NDUFAF6: variants seen among roughly 807,000 people sequenced by gnomAD.
NDUFAF6 encodes the protein NADH dehydrogenase (ubiquinone) complex I, assembly factor 6.
NDUFAF6 carries 45 observed loss-of-function variants against 40.8 expected under a neutral mutation model. The ratio of observed to expected loss-of-function variants is 1.10; its 90% CI spans 0.87 to 1.42. NDUFAF6 has a LOEUF of 1.42. NDUFAF6 is among the 40% of genes most tolerant of loss of function. NDUFAF6 has a pLI of 0.00. For synonymous variants in NDUFAF6, 185 were observed against 155.9 expected (o/e 1.19, Z -1.39); for missense variants, 435 against 418.5 (o/e 1.04, Z -0.34).
At chr8:95,045,487 T>C in intron 4 of NDUFAF6, 58 bp from the exon 5 acceptor site, 1 of 1,303,658 alleles carries the variant, frequency 7.7e-7, no homozygotes, top group Non-Finnish European at 1.1e-6. Flanking sequence ...AAACAGCACC[T>C]TTTCTTTCTA....
At chr8:95,079,945 T>A (rs566077535), downstream of NDUFAF6, among the ~76,000 whole-genome samples, 99 of 141,852 alleles carry the variant, frequency 7.0e-4, 1 homozygote, top group Non-Finnish European at 1.3e-3. Context: ...TGGTAGTGTA[T>A]TTTTGTAGTG....
intron 2 of NDUFAF6, among the ~76,000 whole-genome samples, chr8:94,948,968 G>T (rs1563739000): frequency 6.6e-6 from 1 of 150,524 alleles, no homozygotes; most frequent in African/African-American, 2.4e-5. Flanking sequence ...CGACCCACTG[G>T]GTGGGCGGCC....
At chr8:95,038,084 C>T (rs1829713273) in intron 3 of NDUFAF6, among the ~76,000 whole-genome samples, 1 of 152,188 alleles carries the variant, frequency 6.6e-6, no homozygotes, top group Admixed American at 6.5e-5. Flanking sequence ...TGAGGTCTCA[C>T]TGTGTTGCCT....
intron 1 of NDUFAF6, among the ~76,000 whole-genome samples, chr8:94,944,322 G>T (rs762519875): frequency 9.9e-5 from 15 of 152,218 alleles, no homozygotes; most frequent in Non-Finnish European, 1.8e-4. Context: ...ACTGGCAGCT[G>T]TAAGGCCAAA....
At chr8:94,954,155 C>CT (rs397820792), upstream of NDUFAF6, among the ~76,000 whole-genome samples, 2 of 152,110 alleles carry the variant, frequency 1.3e-5, no homozygotes, top group Admixed American at 6.6e-5. Flanking sequence ...CTCCGCCCCC[C>CT]GGGTTCAAGA....
chr8:94,939,888 C>A, intron 1 of NDUFAF6: 5 of 1,613,586 alleles, frequency 3.1e-6, no homozygotes, highest in Non-Finnish European at 4.2e-6. Context: ...TGTAATTCAT[C>A]AGTCCCACGG....
intron 1 of NDUFAF6, among the ~76,000 whole-genome samples, chr8:94,921,229 C>A (rs569370845): frequency 7.2e-5 from 11 of 152,340 alleles, no homozygotes; most frequent in South Asian, 6.2e-4. Flanking sequence ...CAACTTCCCC[C>A]ACTTGTGGAG....
At chr8:95,006,196 A>G (rs972883763) in intron 2 of NDUFAF6, among the ~76,000 whole-genome samples, 2 of 151,906 alleles carry the variant, frequency 1.3e-5, no homozygotes, top group African/African-American at 4.8e-5. Context: ...TGTCTCTACT[A>G]AAAACATAAA....
At chr8:95,095,907 C>A (rs912705686), upstream of NDUFAF6, among the ~76,000 whole-genome samples, 5 of 152,112 alleles carry the variant, frequency 3.3e-5, no homozygotes, top group Non-Finnish European at 7.4e-5. Flanking sequence ...TCAAGCGATC[C>A]GCCTGTCTCG....
intron 1 of NDUFAF6, among the ~76,000 whole-genome samples, chr8:94,910,145 TG>T (rs1586619202): frequency 6.6e-6 from 1 of 152,062 alleles, no homozygotes; most frequent in Non-Finnish European, 1.5e-5. Flanking sequence ...AACTTTTTTT[TG>T]TTTGTTTTTT....
intron 8 of NDUFAF6, among the ~76,000 whole-genome samples, chr8:95,053,719 A>G (rs983006191): frequency 1.8e-4 from 27 of 151,070 alleles, no homozygotes; most frequent in African/African-American, 6.6e-4. Flanking sequence ...TCCGCCTCCC[A>G]GGTTCAAGTG....
At chr8:94,896,925 G>A (rs1259044425) in intron 1 of NDUFAF6, among the ~76,000 whole-genome samples, 3 of 152,180 alleles carry the variant, frequency 2.0e-5, no homozygotes, top group Non-Finnish European at 4.4e-5. Flanking sequence ...ATCAGGAGAA[G>A]CCCATGCCTT....
At chr8:95,036,657 G>T (rs1365368101) in intron 3 of NDUFAF6, among the ~76,000 whole-genome samples, 1 of 152,212 alleles carries the variant, frequency 6.6e-6, no homozygotes, top group Non-Finnish European at 1.5e-5. Flanking sequence ...TAAGACTTGC[G>T]TAAAAGGTTC....
chr8:94,954,183 C>T (rs951945295), upstream of NDUFAF6, among the ~76,000 whole-genome samples: 18 of 152,216 alleles, frequency 1.2e-4, no homozygotes, highest in Non-Finnish European at 2.4e-4. Flanking sequence ...CTGCCTCAGC[C>T]TCCCAAGTAG....
At chr8:95,036,262 A>G (rs1182092236) in intron 3 of NDUFAF6, 3 of 1,233,144 alleles carry the variant, frequency 2.4e-6, no homozygotes, top group Non-Finnish European at 3.1e-6. Flanking sequence ...AGGGAATTAG[A>G]TACCTTTCAT....
chr8:95,069,590 G>C (rs1412352877), intron 9 of NDUFAF6, among the ~76,000 whole-genome samples: 2 of 151,270 alleles, frequency 1.3e-5, no homozygotes, highest in East Asian at 3.9e-4. Flanking sequence ...GACCAGCCTG[G>C]TCAACATGGT....
intron 2 of NDUFAF6, among the ~76,000 whole-genome samples, chr8:95,008,935 G>T (rs550873091): frequency 3.2e-4 from 48 of 152,202 alleles, no homozygotes; most frequent in African/African-American, 1.1e-3. Flanking sequence ...GGTGGCTCAC[G>T]CCTATAATCA....
At chr8:95,083,760 C>A (rs201317447) in intron 2 of NDUFAF6, among the ~76,000 whole-genome samples, 1 of 152,156 alleles carries the variant, frequency 6.6e-6, no homozygotes, top group East Asian at 1.9e-4. Context: ...GGTGGTATTT[C>A]TAAATAACTG....
intron 1 of NDUFAF6, chr8:94,926,330 C>T (rs192250917): frequency 3.0e-4 from 45 of 150,998 alleles, no homozygotes; most frequent in African/African-American, 1.1e-3. Context: ...GTACAGTCTA[C>T]AATACTCTTC....
Sources: gnomAD v4.1 joint callset for allele counts (sites outside exome capture counted in the v4.1 genomes callset) on GRCh38, gnomAD v4.1.1 for gene constraint, MANE v1.5 for transcripts, NCBI Gene and HGNC (gene_info 2026-07-23, HGNC 2026-07-21) for gene names.